The following COL28A1 variants were observed in gnomAD, a reference collection of about 807,000 sequenced individuals.
COL28A1 encodes the protein collagen alpha-1(XXVIII) chain.
A neutral mutation model predicts 150.2 loss-of-function variants in COL28A1; 161 were observed. The observed-to-expected ratio is 1.07, with a 90% CI of 0.94 to 1.22. The LOEUF (loss-of-function observed/expected upper bound fraction) is 1.22. Among genes scored for constraint, COL28A1 ranks in the 50% most tolerant of loss-of-function variants. The probability of loss-of-function intolerance (pLI) is 0.00; values close to 1 mark genes in which losing one functional copy is unlikely to be tolerated. For synonymous variants in COL28A1, 552 were observed against 469.7 expected (o/e 1.18, Z -2.26); for missense variants, 1,617 against 1,388.3 (o/e 1.16, Z -2.62).
intron 27 of COL28A1, 107 bp downstream of exon 27, chr7:7,417,752 C>A: frequency 6.6e-6 from 6 of 903,580 alleles, no homozygotes; most frequent in Non-Finnish European, 1.1e-5. Flanking sequence ...CTGCGAGGCT[C>A]ACAATAAATC....
At chr7:7,415,537 TTTTG>T (rs1330474560) in intron 27 of COL28A1, among the ~76,000 whole-genome samples, 4 of 152,052 alleles carry the variant, frequency 2.6e-5, no homozygotes, top group African/African-American at 4.8e-5. Context: ...TTTCTGGTTG[TTTTG>T]TTTGTTTTTT....
intron 18 of COL28A1, 104 bp from the exon 19 acceptor site, chr7:7,444,593 A>G: frequency 9.0e-7 from 1 of 1,111,684 alleles, no homozygotes. Context: ...CCTCCGAGAA[A>G]TCTCATTAGC....
intron 13 of COL28A1, among the ~76,000 whole-genome samples, chr7:7,485,999 C>G (rs1173800708): frequency 6.6e-6 from 1 of 152,148 alleles, no homozygotes; most frequent in Non-Finnish European, 1.5e-5. Context: ...CAAAATCTTG[C>G]TGGGGTATCA....
chr7:7,534,111 T>A (rs1423853856), intron 1 of COL28A1, among the ~76,000 whole-genome samples: 3 of 152,108 alleles, frequency 2.0e-5, no homozygotes, highest in African/African-American at 7.2e-5. Flanking sequence ...ACAAAACTGT[T>A]GGGTTAGGAG....
At chr7:7,528,326 T>A (rs1191345662) in intron 3 of COL28A1, among the ~76,000 whole-genome samples, 2 of 152,190 alleles carry the variant, frequency 1.3e-5, no homozygotes, top group Non-Finnish European at 2.9e-5. Flanking sequence ...AATACTATTA[T>A]GTAAATTATA....
rs565713056 is a variant in COL28A1, at chr7:7,372,234, C to G, written c.2908+764G>C. On this transcript the variant is annotated intron_variant, in intron 32 of 34. Coordinates refer to ENST00000399429, the MANE Select transcript of COL28A1 (RefSeq NM_001037763.3). The stretch of plus-strand genomic sequence containing the variant: ...CTAACACAGTGAAACCCTATCTATA[C>G]TAAAAATACAAAAAATTAGCCGGGC... 2.6e-5 allele frequency among the ~76,000 whole-genome samples: 4 copies of G among 151,496 alleles called. No homozygotes were observed. The East Asian group carries it at 7.9e-4, about 30-fold the overall frequency.
At chr7:7,445,170 TTTATAAA>T (rs1283824439) in intron 18 of COL28A1, among the ~76,000 whole-genome samples, 2 of 152,214 alleles carry the variant, frequency 1.3e-5, no homozygotes, top group African/African-American at 4.8e-5. Context: ...ACCTATTTTC[TTTATAAA>T]TTACCCAGTC....
chr7:7,412,120 T>C (rs1024578988), intron 27 of COL28A1, among the ~76,000 whole-genome samples: 2 of 152,118 alleles, frequency 1.3e-5, no homozygotes, highest in Non-Finnish European at 2.9e-5. Flanking sequence ...AGTACAGCCA[T>C]GCAACTAGTT....
intron 4 of COL28A1, chr7:7,522,170 T>C (rs1053696519): frequency 3.3e-6 from 2 of 601,196 alleles, no homozygotes; most frequent in Non-Finnish European, 3.0e-6. Context: ...TCTATTAAAT[T>C]ATTCCAGGCA....
chr7:7,366,349 C>T (rs1200582093), intron 33 of COL28A1, among the ~76,000 whole-genome samples: 4 of 152,144 alleles, frequency 2.6e-5, no homozygotes, highest in Admixed American at 2.6e-4. Context: ...CGAAAAACTA[C>T]AGACTTTGGA....
intron 8 of COL28A1, among the ~76,000 whole-genome samples, chr7:7,513,765 A>G (rs963483466): frequency 2.0e-5 from 3 of 152,250 alleles, no homozygotes; most frequent in Non-Finnish European, 4.4e-5. Context: ...TTTGTTAGCT[A>G]TAGGGGCCTG....
At chr7:7,518,430 T>C (rs1781536002) in intron 6 of COL28A1, among the ~76,000 whole-genome samples, 1 of 152,180 alleles carries the variant, frequency 6.6e-6, no homozygotes, top group Admixed American at 6.6e-5. Flanking sequence ...TATATTCCCT[T>C]TCCTTGACAA....
chr7:7,359,928 A>G (rs1780556263), intron 34 of COL28A1, among the ~76,000 whole-genome samples: 1 of 152,218 alleles, frequency 6.6e-6, no homozygotes, highest in African/African-American at 2.4e-5. Context: ...TATGTACATA[A>G]TAATACATTT....
In COL28A1 at chr7:7,516,972, C is replaced by T. The variant is rs115147540; in HGVS notation, c.855+824G>A. The stretch of plus-strand genomic sequence containing the variant: ...TGGTCAATGAGGAATAGAAGATAAA[C>T]GTAGAATTCTCTCCTATGAGATAAT... On this transcript the variant is annotated intron_variant, in intron 7 of 34. Transcript: ENST00000399429. Among the ~76,000 whole-genome samples the T allele has an allele frequency of 2.9e-3, 434 of 152,132 alleles. 1 individual carries two copies. The highest frequency in any genetic ancestry group is 9.9e-3 in the African/African-American group (409 of 41,514).
At chr7:7,393,813 C>G (rs534106882) in intron 27 of COL28A1, among the ~76,000 whole-genome samples, 2 of 152,290 alleles carry the variant, frequency 1.3e-5, no homozygotes, top group South Asian at 4.1e-4. Flanking sequence ...CAACTTCAGA[C>G]TGCTGTGCTG....
chr7:7,512,055 G>T (rs907438420), intron 8 of COL28A1, among the ~76,000 whole-genome samples: 2 of 152,194 alleles, frequency 1.3e-5, no homozygotes, highest in African/African-American at 4.8e-5. Flanking sequence ...CCTGTCATTT[G>T]TAACAACATA....
At chr7:7,431,471 G>C (rs1404269121) in intron 25 of COL28A1, 1 of 468,300 alleles carries the variant, frequency 2.1e-6, no homozygotes, top group African/African-American at 2.0e-5. Context: ...TGGGTGGTCG[G>C]GGAGGTGACA....
chr7:7,522,549 C>A (rs1781783320), intron 4 of COL28A1, among the ~76,000 whole-genome samples: 1 of 152,004 alleles, frequency 6.6e-6, no homozygotes, highest in Non-Finnish European at 1.5e-5. Context: ...TTGCTTTTTG[C>A]ACATGCACTT....
chr7:7,435,409 C>A (rs1785270804), intron 23 of COL28A1, among the ~76,000 whole-genome samples: 1 of 152,134 alleles, frequency 6.6e-6, no homozygotes, highest in African/African-American at 2.4e-5. Flanking sequence ...ACCTTGGGAT[C>A]TGTGGGAAGT....
Sources: allele counts gnomAD v4.1 joint callset (sites outside exome capture counted in the v4.1 genomes callset), GRCh38; gene constraint gnomAD v4.1.1; transcripts MANE v1.5; gene names NCBI Gene and HGNC (gene_info 2026-07-23, HGNC 2026-07-21).